ITGA8: variants seen among roughly 807,000 people sequenced by gnomAD.
The protein encoded by ITGA8 is integrin subunit alpha 8.
In ITGA8, 91 loss-of-function variants were observed where a neutral mutation model predicts 142.3. The observed-to-expected ratio is 0.64, with a 90% CI of 0.54 to 0.76. ITGA8 has a LOEUF of 0.76. Among genes scored for constraint, ITGA8 ranks in the 30% least tolerant of loss-of-function variants. The pLI is 0.00. For synonymous variants in ITGA8, 505 were observed against 485.2 expected (o/e 1.04, Z -0.54); for missense variants, 1,406 against 1,327.7 (o/e 1.06, Z -0.92).
intron 23 of ITGA8, 45 bp downstream of exon 23, chr10:15,586,539 T>C: frequency 9.0e-7 from 1 of 1,115,902 alleles, no homozygotes; most frequent in Non-Finnish European, 1.4e-6. Context: ...TTATCTTAAC[T>C]CTACATACAG....
intron 27 of ITGA8, among the ~76,000 whole-genome samples, chr10:15,546,281 G>A (rs1367650599): frequency 6.6e-6 from 1 of 152,176 alleles, no homozygotes; most frequent in African/African-American, 2.4e-5. Flanking sequence ...TAACAGCCCT[G>A]TGAAGGCAGG....
At position 15,575,509 on chromosome 10, in the gene ITGA8, A is replaced by G. The variant is rs1834271325; in HGVS notation, c.2458T>C (p.Leu820=). ...GCTACCTCATAAATATGTTCCACCA[A>G]TGGTCCAACCTCCTCCTCTTTGTGG... The part of the protein sequence containing the change: ...EPHKEEEVGP[L]VEHIYELHNI... Residue 820 remains leucine (L), a synonymous_variant, in exon 24 of 30, where the codon TTG becomes CTG. Coordinates refer to ENST00000378076, the MANE Select transcript of ITGA8 (RefSeq NM_003638.3). 8 of 1,613,544 alleles carry G rather than the reference A, an allele frequency of 5.0e-6. No individual in the cohort carries two copies. The highest frequency in any genetic ancestry group is 3.3e-5 in the Admixed American group (2 of 60,004).
intron 8 of ITGA8, among the ~76,000 whole-genome samples, chr10:15,669,848 G>A (rs974052267): frequency 3.3e-5 from 5 of 152,172 alleles, no homozygotes; most frequent in East Asian, 1.9e-4. Flanking sequence ...AACCGCAGAT[G>A]CTGCTGCCTG....
At chr10:15,521,213 C>A (rs573762611) in intron 28 of ITGA8, among the ~76,000 whole-genome samples, 1 of 151,870 alleles carries the variant, frequency 6.6e-6, no homozygotes, top group East Asian at 1.9e-4. Context: ...TAGTATAGAC[C>A]TGGTTTCACC....
At chr10:15,629,924 A>G (rs1374017925) in intron 13 of ITGA8, among the ~76,000 whole-genome samples, 1 of 152,034 alleles carries the variant, frequency 6.6e-6, no homozygotes, top group African/African-American at 2.4e-5. Flanking sequence ...CAAGACTTAA[A>G]CAAACAACAA....
chr10:15,599,921 AAAAAAACAAAACAAAACC>A (rs1174649352), intron 20 of ITGA8, among the ~76,000 whole-genome samples: 6 of 152,098 alleles, frequency 3.9e-5, no homozygotes, highest in East Asian at 3.9e-4. Context: ...ACACCATCTC[AAAAAAACAAAACAAAACC>A]AAAAAACAAA....
chr10:15,535,993 AC>A (rs1484141021), intron 27 of ITGA8, among the ~76,000 whole-genome samples: 3 of 151,998 alleles, frequency 2.0e-5, no homozygotes, highest in African/African-American at 4.8e-5. Flanking sequence ...GTTAACATTC[AC>A]CGAGAAGGTC....
chr10:15,519,354 A>T lies in ITGA8; in HGVS notation c.3041T>A (p.Val1014Glu). The T allele has an allele frequency of 3.7e-6, 6 of 1,613,528 alleles. No homozygotes were observed. Among genetic ancestry groups the T allele is most frequent in the Non-Finnish European group, 4.2e-6 (5 of 1,179,516 alleles). The change falls in exon 29 of 30, where the codon GTA (valine) becomes GAA (glutamate). Residue 1014 changes from valine (V) to glutamate (E), a missense_variant. Physicochemically the swap from Val to Glu is moderately radical, Grantham distance 121. Coordinates refer to ENST00000378076, the MANE Select transcript of ITGA8 (RefSeq NM_003638.3). ...TCCAAGAAGTATTGCTAGTATTATT[A>T]CCCATAATGGGATTGAGAAGGAAAC... ...PNVSFSIPLW[V>E]IILAILLGLL...
intron 20 of ITGA8, among the ~76,000 whole-genome samples, chr10:15,599,495 A>G (rs913787913): frequency 3.3e-5 from 5 of 152,260 alleles, no homozygotes; most frequent in South Asian, 2.1e-4. Context: ...ATTGCAGCAG[A>G]GTTGGGAAAT....
At position 15,712,602 on chromosome 10, in the gene ITGA8, A is replaced by G. The variant is rs113178414; in HGVS notation, c.343+6164T>C. ...GGTGACAGAACCAGACTCCATTTCA[A>G]AAAAATAAAAATAAAATAAAAAATA... On this transcript the variant is annotated intron_variant, in intron 2 of 29. Coordinates refer to ENST00000378076, the MANE Select transcript of ITGA8 (RefSeq NM_003638.3). Among the ~76,000 whole-genome samples, 686 of 152,298 alleles carry G rather than the reference A, an allele frequency of 4.5e-3. 8 individuals carry two copies. The highest frequency in any genetic ancestry group is 0.015 in the African/African-American group (640 of 41,552).
chr10:15,679,774 C>T (rs1237423988), intron 4 of ITGA8, among the ~76,000 whole-genome samples: 1 of 152,120 alleles, frequency 6.6e-6, no homozygotes, highest in African/African-American at 2.4e-5. Context: ...TCTCATGGTA[C>T]AGTTGTAAGC....
At chr10:15,520,962 C>A (rs556721523) in intron 28 of ITGA8, among the ~76,000 whole-genome samples, 1 of 152,286 alleles carries the variant, frequency 6.6e-6, no homozygotes, top group South Asian at 2.1e-4. Context: ...ACAGCCTGAA[C>A]CCTAGCACTG....
At chr10:15,641,782 A>T (rs1351860193) in intron 13 of ITGA8, among the ~76,000 whole-genome samples, 2 of 152,202 alleles carry the variant, frequency 1.3e-5, no homozygotes, top group Non-Finnish European at 2.9e-5. Context: ...AAAGTTGTTG[A>T]CTAGCACATG....
intron 2 of ITGA8, among the ~76,000 whole-genome samples, chr10:15,695,944 A>C (rs1440316465): frequency 3.9e-5 from 6 of 152,194 alleles, no homozygotes. Context: ...CTTGATCTGC[A>C]GGTAGCAACT....
intron 13 of ITGA8, among the ~76,000 whole-genome samples, chr10:15,620,308 TACACAC>T (rs4030584): frequency 0.24 from 35,528 of 150,816 alleles, 4,826 homozygotes; most frequent in East Asian, 0.32. Context: ...GGTGTTGAGA[TACACAC>T]ACACACACAC....
chr10:15,685,473 A>T (rs1402461102), intron 3 of ITGA8, among the ~76,000 whole-genome samples: 1 of 152,228 alleles, frequency 6.6e-6, no homozygotes, highest in Non-Finnish European at 1.5e-5. Flanking sequence ...TGCATATAAA[A>T]CTTGATTAAT....
chr10:15,636,951 C>T (rs575696117), intron 13 of ITGA8, among the ~76,000 whole-genome samples: 1 of 152,254 alleles, frequency 6.6e-6, no homozygotes, highest in Admixed American at 6.5e-5. Context: ...TCGAGACCAG[C>T]CTGGCCAACA....
chr10:15,637,561 G>A (rs1833794648), intron 13 of ITGA8, among the ~76,000 whole-genome samples: 1 of 149,386 alleles, frequency 6.7e-6, no homozygotes, highest in African/African-American at 2.5e-5. Context: ...GTCCAGGCTG[G>A]AGTGCAGTGG....
At chr10:15,556,509 C>T (rs575833701) in intron 26 of ITGA8, among the ~76,000 whole-genome samples, 42 of 152,248 alleles carry the variant, frequency 2.8e-4, no homozygotes, top group South Asian at 2.3e-3. Context: ...CCAGCCTGTC[C>T]CTGCCCCAAG....
Sources: allele counts gnomAD v4.1 joint callset (sites outside exome capture counted in the v4.1 genomes callset), GRCh38; gene constraint gnomAD v4.1.1; transcripts MANE v1.5; gene names NCBI Gene and HGNC (gene_info 2026-07-23, HGNC 2026-07-21).